SPAG16: variants seen among roughly 807,000 people sequenced by gnomAD.
The protein encoded by SPAG16 is sperm-associated antigen 16 protein.
SPAG16 carries 86 observed loss-of-function variants against 80.4 expected under a neutral mutation model. The ratio of observed to expected loss-of-function variants is 1.07; its 90% CI spans 0.90 to 1.28. SPAG16 has a LOEUF of 1.28. Among genes scored for constraint, SPAG16 ranks in the 50% most tolerant of loss-of-function variants. The pLI, the probability that SPAG16 is intolerant of heterozygous loss-of-function variation, is 0.00. For synonymous variants in SPAG16, 294 were observed against 265.9 expected (o/e 1.11, Z -1.03); for missense variants, 870 against 765.3 (o/e 1.14, Z -1.61).
At chr2:214,214,073 G>C (rs2058365277) in intron 15 of SPAG16, among the ~76,000 whole-genome samples, 1 of 151,964 alleles carries the variant, frequency 6.6e-6, no homozygotes, top group East Asian at 1.9e-4. Context: ...CCTATACCCA[G>C]CCATATCAAT....
intron 15 of SPAG16, among the ~76,000 whole-genome samples, chr2:214,365,984 T>G (rs1576895210): frequency 6.6e-6 from 1 of 151,904 alleles, no homozygotes; most frequent in East Asian, 1.9e-4. Context: ...GCCAGGTTTT[T>G]TTTTTTTTTT....
chr2:214,165,594 C>T (rs541013729), intron 15 of SPAG16, among the ~76,000 whole-genome samples: 74 of 142,494 alleles, frequency 5.2e-4, no homozygotes, highest in Middle Eastern at 3.9e-3. Flanking sequence ...CTGCCTGGGC[C>T]TAAACTATTC....
At chr2:213,502,780 T>C (rs1265293787) in intron 10 of SPAG16, among the ~76,000 whole-genome samples, 1 of 152,228 alleles carries the variant, frequency 6.6e-6, no homozygotes, top group East Asian at 1.9e-4. Flanking sequence ...TTGCCCACTT[T>C]CCCATCTGAA....
chr2:214,211,168 A>G (rs923091522), intron 15 of SPAG16, among the ~76,000 whole-genome samples: 3 of 151,964 alleles, frequency 2.0e-5, no homozygotes, highest in Non-Finnish European at 4.4e-5. Flanking sequence ...TAAAGAGGCA[A>G]AAAAAAATTC....
At chr2:213,545,108 TAG>T (rs2076571642) in intron 10 of SPAG16, among the ~76,000 whole-genome samples, 1 of 152,136 alleles carries the variant, frequency 6.6e-6, no homozygotes, top group African/African-American at 2.4e-5. Context: ...AGTAATGAAG[TAG>T]AGTTTCTGTT....
In SPAG16 at chr2:214,297,046, A is replaced by G. The variant is rs115238809; in HGVS notation, c.1721-113094A>G. Reference sequence around the variant, plus strand: ...GATGCCAGCACTATGGTTCATGTATACCCAGCAGAACCACAAGCCAAATAA... The same window carrying G: ...GATGCCAGCACTATGGTTCATGTATGCCCAGCAGAACCACAAGCCAAATAA... On this transcript the variant is annotated intron_variant, in intron 15 of 15. Coordinates refer to ENST00000331683, the MANE Select transcript of SPAG16 (RefSeq NM_024532.5). Among the ~76,000 whole-genome samples the G allele has an allele frequency of 8.0e-3, 1,213 of 152,276 alleles. 17 individuals are homozygous for G. The highest frequency in any genetic ancestry group is 0.026 in the African/African-American group (1,090 of 41,564).
chr2:214,324,454 A>T (rs1696332017), intron 15 of SPAG16, among the ~76,000 whole-genome samples: 1 of 152,198 alleles, frequency 6.6e-6, no homozygotes, highest in South Asian at 2.1e-4. Flanking sequence ...CACATGCAAG[A>T]TTTCCTCTCT....
At chr2:213,475,312 A>G (rs560770773) in intron 9 of SPAG16, among the ~76,000 whole-genome samples, 24 of 152,264 alleles carry the variant, frequency 1.6e-4, no homozygotes, top group Non-Finnish European at 3.2e-4. Flanking sequence ...GGCATTTTCT[A>G]TAGGGGCATG....
chr2:213,734,241 A>C lies in SPAG16; in HGVS notation c.1071-128244A>C, dbSNP rs2067188756. Among the ~76,000 whole-genome samples the C allele has an allele frequency of 3.3e-5, 5 of 152,204 alleles. No individual in the cohort carries two copies. In the South Asian group the frequency reaches 1.0e-3, roughly 31 times the overall value. On this transcript the variant is annotated intron_variant, in intron 10 of 15. Transcript: ENST00000331683. ...CTGGCCATGAGCAGGACCCAGCAAGAAAAGAGATAAATGCTAGATGGAAAC... is the reference window on the plus strand; with the variant it reads ...CTGGCCATGAGCAGGACCCAGCAAGCAAAGAGATAAATGCTAGATGGAAAC...
chr2:213,318,367 C>T (rs1269997208), intron 5 of SPAG16, among the ~76,000 whole-genome samples: 6 of 151,926 alleles, frequency 3.9e-5, no homozygotes, highest in Admixed American at 1.3e-4. Context: ...GGGTGGAACT[C>T]GAGGCCCTCA....
chr2:213,575,855 A>C (rs1035043227), intron 10 of SPAG16, among the ~76,000 whole-genome samples: 1 of 152,146 alleles, frequency 6.6e-6, no homozygotes. Flanking sequence ...TCATTCTTGC[A>C]TTGTAAAATG....
intron 15 of SPAG16, among the ~76,000 whole-genome samples, chr2:214,155,993 T>G (rs1423506262): frequency 2.0e-5 from 3 of 152,208 alleles, no homozygotes; most frequent in East Asian, 3.8e-4. Context: ...ACTCTTATTC[T>G]AATAATTGTA....
intron 11 of SPAG16, among the ~76,000 whole-genome samples, chr2:213,908,930 C>G (rs920546790): frequency 1.3e-5 from 2 of 151,942 alleles, no homozygotes; most frequent in South Asian, 2.1e-4. Context: ...CTCCTCCCCC[C>G]CACCACACAA....
intron 15 of SPAG16, among the ~76,000 whole-genome samples, chr2:214,378,646 G>A (rs1700268652): frequency 6.6e-6 from 1 of 152,170 alleles, no homozygotes; most frequent in Admixed American, 6.5e-5. Flanking sequence ...AGGGCTACCT[G>A]TCACAGGGCC....
At chr2:213,964,131 A>G (rs1166977118) in intron 12 of SPAG16, among the ~76,000 whole-genome samples, 1 of 152,168 alleles carries the variant, frequency 6.6e-6, no homozygotes, top group Non-Finnish European at 1.5e-5. Context: ...GAAATGGCTC[A>G]GTATTTGCCT....
chr2:214,384,485 G>T (rs1408578984), intron 15 of SPAG16, among the ~76,000 whole-genome samples: 1 of 152,206 alleles, frequency 6.6e-6, no homozygotes, highest in Non-Finnish European at 1.5e-5. Flanking sequence ...TTTCAGAGTA[G>T]TGCCATATTT....
At chr2:213,537,385 A>T (rs1022814834) in intron 10 of SPAG16, among the ~76,000 whole-genome samples, 2 of 152,146 alleles carry the variant, frequency 1.3e-5, no homozygotes, top group African/African-American at 4.8e-5. Flanking sequence ...TAAATATAGT[A>T]ATATGTTTTT....
intron 11 of SPAG16, among the ~76,000 whole-genome samples, chr2:213,868,727 C>T (rs2075809324): frequency 6.6e-6 from 1 of 152,116 alleles, no homozygotes; most frequent in Admixed American, 6.6e-5. Context: ...TTCACAGTGC[C>T]ACATTTTATC....
chr2:213,476,002 A>G (rs1009979474), intron 9 of SPAG16, among the ~76,000 whole-genome samples: 6 of 152,298 alleles, frequency 3.9e-5, no homozygotes, highest in African/African-American at 1.4e-4. Flanking sequence ...GCACTATGCT[A>G]ATGGGTTTCT....
Sources: gnomAD v4.1 joint callset for allele counts (sites outside exome capture counted in the v4.1 genomes callset) on GRCh38, gnomAD v4.1.1 for gene constraint, MANE v1.5 for transcripts, NCBI Gene and HGNC (gene_info 2026-07-23, HGNC 2026-07-21) for gene names.